The following WWP2 variants were observed in gnomAD, a reference collection of about 807,000 sequenced individuals.
WWP2 encodes NEDD4-like E3 ubiquitin-protein ligase WWP2.
In WWP2, 57 loss-of-function variants were observed where a neutral mutation model predicts 121.0. The observed-to-expected ratio is 0.47, with a 90% confidence interval of 0.38 to 0.59. WWP2 has a LOEUF of 0.59. WWP2 is among the 20% of genes least tolerant of loss of function. The pLI is 0.00. For missense variants in WWP2, 962 were observed against 1,158.9 expected (o/e 0.83, Z 2.47); for synonymous variants, 449 against 441.3 (o/e 1.02, Z -0.22).
intron 5 of WWP2, among the ~76,000 whole-genome samples, 167 bp from the exon 6 acceptor site, chr16:69,841,857 G>T (rs143576171): frequency 6.6e-6 from 1 of 152,090 alleles, no homozygotes; most frequent in Non-Finnish European, 1.5e-5. Context: ...CCATATGATC[G>T]TCCCTGTTCC....
intron 8 of WWP2, among the ~76,000 whole-genome samples, chr16:69,900,820 G>T (rs2058192483): frequency 6.6e-6 from 1 of 152,100 alleles, no homozygotes; most frequent in Non-Finnish European, 1.5e-5. Context: ...CACCGTGCCT[G>T]GCTAGTGTTG....
intron 9 of WWP2, among the ~76,000 whole-genome samples, chr16:69,912,918 C>CA (rs2058404389): frequency 6.3e-5 from 2 of 31,790 alleles, no homozygotes; most frequent in Non-Finnish European, 1.1e-4. Flanking sequence ...CCAGTCTCTA[C>CA]AAAACAAAAA....
At chr16:69,804,683 A>G (rs892576891) in intron 4 of WWP2, among the ~76,000 whole-genome samples, 2 of 152,030 alleles carry the variant, frequency 1.3e-5, no homozygotes, top group African/African-American at 4.8e-5. Context: ...GAACCTTAAC[A>G]GTTTCATCAG....
At chr16:69,782,206 C>T (rs1309273082) in intron 1 of WWP2, among the ~76,000 whole-genome samples, 1 of 152,106 alleles carries the variant, frequency 6.6e-6, no homozygotes, top group African/African-American at 2.4e-5. Flanking sequence ...TCTCTTGAAC[C>T]CGGGAGGCAG....
chr16:69,908,322 T>C (rs897816576), intron 8 of WWP2, among the ~76,000 whole-genome samples: 2 of 152,140 alleles, frequency 1.3e-5, no homozygotes, highest in Non-Finnish European at 2.9e-5. Context: ...GGCCTATAGA[T>C]GATCTTGTGG....
intron 2 of WWP2, among the ~76,000 whole-genome samples, chr16:69,798,480 A>ATGTT (rs1394606770): frequency 6.5e-5 from 9 of 138,638 alleles, no homozygotes; most frequent in African/African-American, 2.4e-4. Context: ...CAGGTTAGGG[A>ATGTT]TTTTTTTTTT....
chr16:69,882,559 C>T (rs1485003170), intron 7 of WWP2, among the ~76,000 whole-genome samples: 1 of 152,208 alleles, frequency 6.6e-6, no homozygotes, highest in African/African-American at 2.4e-5. Flanking sequence ...AAAGTCAAAA[C>T]AGCATGTCAC....
At chr16:69,902,069 G>T (rs1048240138) in intron 8 of WWP2, among the ~76,000 whole-genome samples, 4 of 152,180 alleles carry the variant, frequency 2.6e-5, no homozygotes, top group African/African-American at 4.8e-5. Context: ...GTTCAAACAG[G>T]TGAATCTGAC....
At chr16:69,820,255 T>G (rs1216223108) in intron 4 of WWP2, among the ~76,000 whole-genome samples, 1 of 152,076 alleles carries the variant, frequency 6.6e-6, no homozygotes, top group East Asian at 1.9e-4. Flanking sequence ...TTATTATTAT[T>G]TTTTTGAGAT....
rs149039014 is a variant in WWP2 at position 69,779,850 on chromosome 16, A to T, written c.-15-7146A>T. 9.2e-5 allele frequency among the ~76,000 whole-genome samples: 14 copies of T among 152,348 alleles called. No homozygotes were observed. The East Asian group carries it at 2.1e-3, about 23-fold the overall frequency. ...TATAATTATTTATAATCTTTCCTGC[A>T]TTATTCAAGATACGATCTTTTGCTT... is the stretch of plus-strand genomic sequence containing the variant. On this transcript the variant is annotated intron_variant, in intron 1 of 23. Transcript: ENST00000359154.
chr16:69,809,341 A>G (rs2056344295), intron 4 of WWP2, among the ~76,000 whole-genome samples: 1 of 152,162 alleles, frequency 6.6e-6, no homozygotes, highest in African/African-American at 2.4e-5. Flanking sequence ...AAATCTTCCC[A>G]AAGATGGGGA....
At chr16:69,842,218 G>A (rs1299215364) in intron 6 of WWP2, 98 bp downstream of exon 6, 11 of 1,197,254 alleles carry the variant, frequency 9.2e-6, no homozygotes, top group African/African-American at 4.6e-5. Flanking sequence ...GGTAGAAACT[G>A]TTGGAGATTT....
At chr16:69,871,457 T>C (rs1197572015) in intron 6 of WWP2, among the ~76,000 whole-genome samples, 2 of 152,242 alleles carry the variant, frequency 1.3e-5, no homozygotes, top group South Asian at 4.1e-4. Flanking sequence ...TCTGAGCCTG[T>C]CCAGTGATTC....
chr16:69,870,766 C>G (rs978301117), intron 6 of WWP2, among the ~76,000 whole-genome samples: 2 of 152,162 alleles, frequency 1.3e-5, no homozygotes, highest in African/African-American at 4.8e-5. Context: ...GTAGAAGAGC[C>G]TCGTTTGGTG....
At chr16:69,850,617 G>T (rs1237106164) in intron 6 of WWP2, among the ~76,000 whole-genome samples, 1 of 152,122 alleles carries the variant, frequency 6.6e-6, no homozygotes, top group Non-Finnish European at 1.5e-5. Flanking sequence ...CCGACGAAGT[G>T]GGGTTCAGGG....
chr16:69,770,711 G>A lies in WWP2; in HGVS notation c.-16+8320G>A, dbSNP rs139620648. On this transcript the variant is annotated intron_variant, in intron 1 of 23. Coordinates refer to ENST00000359154, the MANE Select transcript of WWP2 (RefSeq NM_001270454.2). ...GGGGCAGTCTTGGGGAACTAAACCTGTGGGATCTGATGCTATTTCCAGGTG... is the reference window on the plus strand; with the variant it reads ...GGGGCAGTCTTGGGGAACTAAACCTATGGGATCTGATGCTATTTCCAGGTG... Among the ~76,000 whole-genome samples the A allele has an allele frequency of 1.2e-3, 183 of 152,214 alleles. 1 individual carries two copies. Among genetic ancestry groups the A allele is most frequent in the African/African-American group, 4.1e-3 (172 of 41,558 alleles).
intron 4 of WWP2, among the ~76,000 whole-genome samples, chr16:69,835,055 C>T (rs1266673648): frequency 6.6e-6 from 1 of 152,092 alleles, no homozygotes; most frequent in Admixed American, 6.6e-5. Context: ...TTGAGGGGAG[C>T]TTGTGAGCTT....
intron 6 of WWP2, among the ~76,000 whole-genome samples, chr16:69,859,490 A>C (rs2057378127): frequency 6.6e-6 from 1 of 152,010 alleles, no homozygotes; most frequent in Non-Finnish European, 1.5e-5. Flanking sequence ...AGGGAGGTCG[A>C]GGATGCAGTG....
At chr16:69,868,579 G>A (rs2057571028) in intron 6 of WWP2, among the ~76,000 whole-genome samples, 1 of 152,028 alleles carries the variant, frequency 6.6e-6, no homozygotes, top group African/African-American at 2.4e-5. Context: ...TTTTGTCCTA[G>A]TAAAGGGATC....
Sources: gnomAD v4.1 joint callset for allele counts (sites outside exome capture counted in the v4.1 genomes callset) on GRCh38, gnomAD v4.1.1 for gene constraint, MANE v1.5 for transcripts, NCBI Gene and HGNC (gene_info 2026-07-23, HGNC 2026-07-21) for gene names.